The following GABRA2 variants were observed in gnomAD, a reference collection of about 807,000 sequenced individuals.
GABRA2 encodes gamma-aminobutyric acid type A receptor subunit alpha2, also known as gamma-aminobutyric acid receptor subunit alpha-2.
A neutral mutation model predicts 48.7 loss-of-function variants in GABRA2; 16 were observed. The observed-to-expected ratio is 0.33, with a 90% CI of 0.22 to 0.50. The LOEUF (loss-of-function observed/expected upper bound fraction) is 0.50, where lower values mean the gene tolerates loss of function less well. Ranked by LOEUF, GABRA2 falls within the 20% of genes least tolerant of loss-of-function variation. The probability of loss-of-function intolerance (pLI) is 0.98; values close to 1 mark genes in which losing one functional copy is unlikely to be tolerated. For synonymous variants in GABRA2, 185 were observed against 184.5 expected (o/e 1.00, Z -0.02); for missense variants, 275 against 535.6 (o/e 0.51, Z 4.80).
At position 46,296,665 on chromosome 4, in the gene GABRA2, AAAG is replaced by A. The variant is rs1233055969; in HGVS notation, c.856+6792_856+6794del. Among the ~76,000 whole-genome samples, 31 of 151,538 alleles carry A rather than the reference AAAG, an allele frequency of 2.0e-4. 1 individual carries two copies. The highest frequency in any genetic ancestry group is 6.5e-4 in the African/African-American group (27 of 41,300). On this transcript the variant is annotated intron_variant, in intron 8 of 9. Transcript: ENST00000381620. ...ATTACTCTATCAGGGGGAAAAAAAA[AAAG>A]AAAAAAAAAAACCTGCTGAGGTGCT... is the stretch of plus-strand genomic sequence containing the variant.
chr4:46,318,814 G>T (rs1307120340), intron 4 of GABRA2, among the ~76,000 whole-genome samples: 1 of 151,648 alleles, frequency 6.6e-6, no homozygotes, highest in Non-Finnish European at 1.5e-5. Flanking sequence ...ATATCAGCTT[G>T]CATGTATCCT....
intron 3 of GABRA2, chr4:46,368,367 A>AT (rs1171637269): frequency 6.6e-6 from 1 of 152,180 alleles, no homozygotes; most frequent in Admixed American, 6.6e-5. Context: ...CAATCTTACC[A>AT]TACACATTTC....
chr4:46,334,002 C>T (rs1312562596), intron 3 of GABRA2, among the ~76,000 whole-genome samples: 1 of 152,076 alleles, frequency 6.6e-6, no homozygotes, highest in Non-Finnish European at 1.5e-5. Context: ...AGTTATAGTG[C>T]TCCAAATAAA....
chr4:46,301,021 G>A (rs145900483), intron 8 of GABRA2, among the ~76,000 whole-genome samples: 66 of 152,078 alleles, frequency 4.3e-4, no homozygotes, highest in African/African-American at 1.3e-3. Context: ...CTTTAGTTAC[G>A]CAAGATAAAT....
chr4:46,328,050 A>G (rs1044877804), intron 4 of GABRA2, among the ~76,000 whole-genome samples: 1 of 152,070 alleles, frequency 6.6e-6, no homozygotes, highest in African/African-American at 2.4e-5. Flanking sequence ...AAAAAGGGAA[A>G]AAAACAGTAG....
At chr4:46,252,374 C>T (rs190818555) in intron 9 of GABRA2, among the ~76,000 whole-genome samples, 194 of 151,532 alleles carry the variant, frequency 1.3e-3, no homozygotes, top group African/African-American at 4.5e-3. Flanking sequence ...GAAATTATAG[C>T]GAACACTTTT....
rs1189072035 is a variant in GABRA2, at chr4:46,377,303, C to T, written c.187+8771G>A. 1.1e-4 allele frequency among the ~76,000 whole-genome samples: 17 copies of T among 151,108 alleles called. No individual in the cohort carries two copies. The South Asian group carries it at 1.9e-3, about 17-fold the overall frequency. On this transcript the variant is annotated intron_variant, in intron 3 of 9. Coordinates refer to ENST00000381620, the MANE Select transcript of GABRA2 (RefSeq NM_000807.4). The stretch of plus-strand genomic sequence containing the variant: ...CTAGGAAGTGAGGAGCGCCTCTTCC[C>T]GGCCGCCATCCCATCTGGGAAGTGA...
intron 5 of GABRA2, among the ~76,000 whole-genome samples, 165 bp downstream of exon 5, chr4:46,312,331 T>C (rs545642596): frequency 1.3e-5 from 2 of 152,330 alleles, no homozygotes; most frequent in African/African-American, 4.8e-5. Flanking sequence ...TACTATTTTA[T>C]ATAGTTTTTT....
At chr4:46,348,433 C>T (rs917978663) in intron 3 of GABRA2, among the ~76,000 whole-genome samples, 3 of 151,978 alleles carry the variant, frequency 2.0e-5, no homozygotes, top group Non-Finnish European at 4.4e-5. Flanking sequence ...GGGCATATAA[C>T]CAAAGGACTA....
intron 3 of GABRA2, among the ~76,000 whole-genome samples, chr4:46,377,873 C>T (rs1716094993): frequency 6.6e-6 from 1 of 150,634 alleles, no homozygotes; most frequent in African/African-American, 2.4e-5. Flanking sequence ...GGTCAGCCCC[C>T]CGCCCAGCTA....
rs565647543 is a variant in GABRA2, at chr4:46,283,457, G to A, written c.856+20003C>T. On this transcript the variant is annotated intron_variant, in intron 8 of 9. Coordinates refer to ENST00000381620, the MANE Select transcript of GABRA2 (RefSeq NM_000807.4). The stretch of plus-strand genomic sequence containing the variant: ...TACTAGCCTTGGACCAACTACTTGT[G>A]GACTTATTCCACATGGGAAAAGAAA... Among the ~76,000 whole-genome samples the A allele has an allele frequency of 2.6e-5, 4 of 152,162 alleles. No individual in the cohort carries two copies. In the South Asian group the frequency reaches 8.3e-4, roughly 32 times the overall value.
intron 8 of GABRA2, among the ~76,000 whole-genome samples, chr4:46,281,712 G>A (rs1453458692): frequency 6.6e-6 from 1 of 152,112 alleles, no homozygotes; most frequent in Non-Finnish European, 1.5e-5. Context: ...CATGGGAGGA[G>A]AAACTTTGAG....
At chr4:46,320,318 C>T (rs1025188951) in intron 4 of GABRA2, among the ~76,000 whole-genome samples, 3 of 151,778 alleles carry the variant, frequency 2.0e-5, no homozygotes, top group African/African-American at 7.3e-5. Context: ...AAAGGTAAGA[C>T]CTGAAACTAT....
chr4:46,297,592 T>G (rs10014375), intron 8 of GABRA2, among the ~76,000 whole-genome samples: 1 of 146,396 alleles, frequency 6.8e-6, no homozygotes, highest in Admixed American at 6.8e-5. Context: ...TTATTAATAA[T>G]CCCTAGTAAT....
chr4:46,301,878 C>A (rs1725801572), intron 8 of GABRA2, among the ~76,000 whole-genome samples: 1 of 152,092 alleles, frequency 6.6e-6, no homozygotes, highest in African/African-American at 2.4e-5. Flanking sequence ...CTCAATAAAA[C>A]TTTCTTAAAT....
intron 6 of GABRA2, among the ~76,000 whole-genome samples, chr4:46,308,646 A>T (rs1436616199): frequency 6.6e-6 from 1 of 152,234 alleles, no homozygotes; most frequent in East Asian, 1.9e-4. Flanking sequence ...TAATTACTTA[A>T]ACAAAAAATG....
intron 9 of GABRA2, chr4:46,261,724 T>C (rs1362362505): frequency 3.3e-6 from 2 of 615,032 alleles, no homozygotes; most frequent in Non-Finnish European, 2.9e-6. Context: ...CAACAGATGC[T>C]ACGGAGTGGT....
intron 9 of GABRA2, among the ~76,000 whole-genome samples, chr4:46,256,670 A>T (rs1412500742): frequency 6.6e-6 from 1 of 151,450 alleles, no homozygotes; most frequent in Non-Finnish European, 1.5e-5. Context: ...AATGTATTTG[A>T]GTCTATTTTC....
At chr4:46,296,157 T>C (rs1724618035) in intron 8 of GABRA2, among the ~76,000 whole-genome samples, 1 of 152,116 alleles carries the variant, frequency 6.6e-6, no homozygotes, top group Non-Finnish European at 1.5e-5. Context: ...CAGCATCTCA[T>C]ATATGATACT....
Sources: gnomAD v4.1 joint callset for allele counts (sites outside exome capture counted in the v4.1 genomes callset) on GRCh38, gnomAD v4.1.1 for gene constraint, MANE v1.5 for transcripts, NCBI Gene and HGNC (gene_info 2026-07-23, HGNC 2026-07-21) for gene names.